KIAA1958: variants seen among roughly 807,000 people sequenced by gnomAD.
KIAA1958 encodes KIAA1958, also known as uncharacterized protein KIAA1958.
KIAA1958 carries 14 observed loss-of-function variants against 47.2 expected under a neutral mutation model. The ratio of observed to expected loss-of-function variants is 0.30; its 90% CI spans 0.20 to 0.46. KIAA1958 has a LOEUF of 0.46. Ranked by LOEUF, KIAA1958 falls within the 20% of genes least tolerant of loss-of-function variation. KIAA1958 has a pLI of 1.00. For synonymous variants in KIAA1958, 354 were observed against 353.3 expected, an observed-to-expected ratio of 1.00 and a Z score of -0.02; for missense variants, 803 against 909.2, an observed-to-expected ratio of 0.88 and a Z score of 1.50.
chr9:112,650,431 G>A (rs1214476172), intron 3 of KIAA1958, among the ~76,000 whole-genome samples: 1 of 152,118 alleles, frequency 6.6e-6, no homozygotes, highest in Admixed American at 6.5e-5. Context: ...AAGGATAAGT[G>A]GATGAATGAA....
intron 2 of KIAA1958, among the ~76,000 whole-genome samples, chr9:112,628,753 C>T (rs1420311679): frequency 6.6e-6 from 1 of 152,100 alleles, no homozygotes; most frequent in African/African-American, 2.4e-5. Context: ...TTGCCTCAGG[C>T]AGTTTTTAAA....
chr9:112,542,419 A>C (rs1834959435), intron 1 of KIAA1958, among the ~76,000 whole-genome samples: 1 of 152,204 alleles, frequency 6.6e-6, no homozygotes, highest in African/African-American at 2.4e-5. Flanking sequence ...GGATATATTC[A>C]TGAATATAAT....
Position 112,618,634 on chromosome 9 carries a change from C to T in KIAA1958, c.1172-27016C>T, listed in dbSNP as rs999624336. ...CTTTCTACTTATCCATCAAGCCAGT[C>T]GTGAACCTGGCGGCTCTGCATTGGT... On this transcript the variant is annotated intron_variant, in intron 2 of 3. Transcript: ENST00000337530. The surrounding 1 kb of genome is among the most constrained non-coding windows in gnomAD (Gnocchi z 7.1). 1.9e-5 allele frequency: 29 copies of T among 1,550,546 alleles called. No individual in the cohort carries two copies. Among genetic ancestry groups the T allele is most frequent in the Non-Finnish European group, 2.5e-5 (29 of 1,147,026 alleles).
rs374104209 is a variant in KIAA1958, at chr9:112,659,940, G to A, written c.2022G>A (p.Gly674=). 1.1e-4 allele frequency: 176 copies of A among 1,614,124 alleles called. No homozygotes were observed. Residue 674 remains glycine (G), a synonymous_variant, in exon 4 of 4, where the codon GGG becomes GGA. Transcript: ENST00000337530. ...GSVWYEEQRM[G]LRSLRGIVPN... ...TGTGGTATGAGGAGCAGAGGATGGG[G>A]CTGCGCTCTCTTCGGGGAATTGTCC...
chr9:112,574,125 G>A lies in KIAA1958; in HGVS notation c.45G>A (p.Leu15=), dbSNP rs762973436. ...LHTSSENLSK[L]VSWAHSHGTI... is the part of the protein sequence containing the mutation. ...CCTCATCTGAGAATCTGTCCAAATT[G>A]GTCAGCTGGGCCCATAGCCATGGGA... The change falls in exon 2 of 4, where the codon TTG becomes TTA. Residue 15 remains leucine (L), a synonymous_variant. Transcript: ENST00000337530. The A allele has an allele frequency of 6.2e-7, 1 of 1,610,360 alleles. No homozygotes were observed. The highest frequency in any genetic ancestry group is 1.7e-5 in the Admixed American group (1 of 59,792).
At chr9:112,518,090 T>C (rs1208093066) in intron 1 of KIAA1958, among the ~76,000 whole-genome samples, 2 of 152,140 alleles carry the variant, frequency 1.3e-5, no homozygotes, top group Admixed American at 1.3e-4. Context: ...CGGTGCCACA[T>C]GCAAGCTGTC....
In KIAA1958 at chr9:112,531,983, A is replaced by T. The variant is rs561058625; in HGVS notation, c.-24-42074A>T. 2.6e-5 allele frequency among the ~76,000 whole-genome samples: 4 copies of T among 152,338 alleles called. No homozygotes were observed. The South Asian group carries it at 8.3e-4, about 32-fold the overall frequency. On this transcript the variant is annotated intron_variant, in intron 1 of 3. Transcript: ENST00000337530. ...CTGCCATGGCTGGGGTTGCTGTCAG[A>T]CCTCAATTTGAGGGACCGCTTCACA...
At chr9:112,570,792 A>C (rs888770534) in intron 1 of KIAA1958, among the ~76,000 whole-genome samples, 13 of 152,206 alleles carry the variant, frequency 8.5e-5, no homozygotes, top group African/African-American at 2.7e-4. Flanking sequence ...TGTGGCTGAG[A>C]AGTCTTACAA....
intron 3 of KIAA1958, 106 bp downstream of exon 3, chr9:112,645,928 TG>T: frequency 1.2e-6 from 1 of 858,968 alleles, no homozygotes; most frequent in Non-Finnish European, 1.7e-6. Flanking sequence ...GCTTTCTGCC[TG>T]GGGAAACTTT....
At chr9:112,510,786 G>A (rs1450075953) in intron 1 of KIAA1958, among the ~76,000 whole-genome samples, 1 of 152,060 alleles carries the variant, frequency 6.6e-6, no homozygotes, top group Non-Finnish European at 1.5e-5. Flanking sequence ...CCAGGCATGT[G>A]TAGGGGAGGT....
chr9:112,528,986 A>T (rs1330639654), intron 1 of KIAA1958, among the ~76,000 whole-genome samples: 1 of 152,224 alleles, frequency 6.6e-6, no homozygotes, highest in Non-Finnish European at 1.5e-5. Flanking sequence ...ATGGAATTAT[A>T]CAAATAAAGG....
intron 1 of KIAA1958, among the ~76,000 whole-genome samples, chr9:112,507,314 G>C (rs910489716): frequency 1.3e-5 from 2 of 152,144 alleles, no homozygotes; most frequent in Non-Finnish European, 2.9e-5. Context: ...TAGAAAAGAT[G>C]TGTGGAACTG....
chr9:112,536,196 A>G (rs923942402), intron 1 of KIAA1958, among the ~76,000 whole-genome samples: 1 of 152,222 alleles, frequency 6.6e-6, no homozygotes, highest in African/African-American at 2.4e-5. Context: ...GAAGACCAGG[A>G]AATTGTGGAT....
chr9:112,587,898 A>G (rs1321420563), intron 2 of KIAA1958, among the ~76,000 whole-genome samples: 9 of 152,222 alleles, frequency 5.9e-5, no homozygotes, highest in African/African-American at 1.9e-4. Flanking sequence ...TAAAATATCC[A>G]TAGACTCTGC....
chr9:112,594,395 C>T (rs1230885028), intron 2 of KIAA1958, among the ~76,000 whole-genome samples: 1 of 152,060 alleles, frequency 6.6e-6, no homozygotes, highest in Admixed American at 6.5e-5. Context: ...ATTTCATTAC[C>T]CCATTGCCTC....
intron 1 of KIAA1958, among the ~76,000 whole-genome samples, chr9:112,511,224 G>T (rs542246199): frequency 1.3e-4 from 20 of 152,190 alleles, no homozygotes; most frequent in Non-Finnish European, 4.4e-5. Flanking sequence ...TATCATCTGA[G>T]AATGTGTTAG....
chr9:112,541,385 A>C (rs1834939453), intron 1 of KIAA1958, among the ~76,000 whole-genome samples: 1 of 152,152 alleles, frequency 6.6e-6, no homozygotes, highest in South Asian at 2.1e-4. Context: ...GCAATCCTAA[A>C]ATGTAGAGCA....
rs1180474793 is a variant in KIAA1958, at chr9:112,618,928, G to C, written c.1172-26722G>C. 8.0e-6 allele frequency: 12 copies of C among 1,509,170 alleles called. No individual in the cohort carries two copies. Among genetic ancestry groups the C allele is most frequent in the Non-Finnish European group, 1.1e-5 (12 of 1,119,376 alleles). 93.5% of individuals were successfully genotyped at this position (1,509,170 alleles called of 1,614,324 possible). A position where few individuals can be genotyped will look rare whatever the true frequency, so the allele number is the denominator to read the frequency against. On this transcript the variant is annotated intron_variant, in intron 2 of 3. Transcript: ENST00000337530. This position sits in a 1 kb window ranked among gnomAD's most constrained non-coding sequence, Gnocchi z 7.1. The stretch of plus-strand genomic sequence containing the variant: ...CAGACACCGCTTGACCAGGTGGCTT[G>C]AGCAAGACTCCAGTTTGGTTACTGT...
chr9:112,580,858 TA>T (rs1564180138), intron 2 of KIAA1958, among the ~76,000 whole-genome samples: 1 of 152,116 alleles, frequency 6.6e-6, no homozygotes. Context: ...CCTTTTCCTG[TA>T]GTTTCCTGAA....
Sources: gnomAD v4.1 joint callset for allele counts (sites outside exome capture counted in the v4.1 genomes callset) on GRCh38, gnomAD v4.1.1 for gene constraint, Gnocchi (gnomAD v3.1) non-coding constraint, MANE v1.5 for transcripts, NCBI Gene and HGNC (gene_info 2026-07-23, HGNC 2026-07-21) for gene names.